The following STIM2 variants were observed in gnomAD, a reference collection of about 807,000 sequenced individuals.
The protein encoded by STIM2 is stromal interaction molecule 2.
A neutral mutation model predicts 85.8 loss-of-function variants in STIM2; 31 were observed. That is an observed-to-expected ratio of 0.36 (90% CI 0.27 to 0.49). STIM2 has a LOEUF of 0.49. STIM2 is among the 20% of genes least tolerant of loss of function. The probability of loss-of-function intolerance (pLI) is 0.98; values close to 1 mark genes in which losing one functional copy is unlikely to be tolerated. For synonymous variants in STIM2, 356 were observed against 331.1 expected (o/e 1.08, Z -0.82); for missense variants, 841 against 927.6 (o/e 0.91, Z 1.21).
intron 3 of STIM2, among the ~76,000 whole-genome samples, chr4:26,972,164 T>C (rs548976825): frequency 4.6e-5 from 7 of 152,322 alleles, no homozygotes; most frequent in African/African-American, 1.7e-4. Flanking sequence ...ATTTTCTAAA[T>C]ATACAATCAT....
At chr4:26,987,207 C>T (rs567654693) in intron 3 of STIM2, among the ~76,000 whole-genome samples, 8 of 152,268 alleles carry the variant, frequency 5.3e-5, no homozygotes, top group African/African-American at 1.7e-4. Flanking sequence ...TCTTCATTCT[C>T]CCTGTGATTA....
At chr4:26,989,289 A>G (rs1440744608) in intron 3 of STIM2, among the ~76,000 whole-genome samples, 2 of 152,150 alleles carry the variant, frequency 1.3e-5, no homozygotes, top group Non-Finnish European at 2.9e-5. Flanking sequence ...TTTGCATGTT[A>G]AGATGCAAGG....
intron 11 of STIM2, among the ~76,000 whole-genome samples, chr4:27,020,654 A>C (rs1002426193): frequency 1.3e-5 from 2 of 152,234 alleles, no homozygotes; most frequent in African/African-American, 2.4e-5. Flanking sequence ...TTAACATAGA[A>C]TATTCATCAA....
intron 3 of STIM2, among the ~76,000 whole-genome samples, chr4:26,962,600 GTATGTGTGTC>G (rs761069886): frequency 2.4e-5 from 3 of 122,710 alleles, no homozygotes; most frequent in East Asian, 2.6e-4. Flanking sequence ...GTGTGTGTGT[GTATGTGTGTC>G]TGTGTCTGTG....
chr4:26,881,397 C>T (rs1252816024), intron 1 of STIM2: 2 of 149,488 alleles, frequency 1.3e-5, no homozygotes, highest in Non-Finnish European at 2.9e-5. Context: ...ACTCTGGAGG[C>T]AGAGGTTGCA....
intron 1 of STIM2, among the ~76,000 whole-genome samples, chr4:26,890,645 A>C (rs1025081280): frequency 6.6e-6 from 1 of 151,940 alleles, no homozygotes; most frequent in Non-Finnish European, 1.5e-5. Context: ...TAAAACGTTG[A>C]AACCCCGTCT....
Position 27,017,661 on chromosome 4 carries a change from A to G in STIM2, c.1490-50A>G, listed in dbSNP as rs753990273. On this transcript the variant is annotated intron_variant, in intron 10 of 11. Coordinates refer to ENST00000467087, the MANE Select transcript of STIM2 (RefSeq NM_020860.4). ...GTGTGTATGTATTTGTGGTGACTGTAAAGGGAACCCTGGACTTCATGAGCA... is the reference window on the plus strand; with the variant it reads ...GTGTGTATGTATTTGTGGTGACTGTGAAGGGAACCCTGGACTTCATGAGCA... 1.0e-5 allele frequency: 16 copies of G among 1,604,198 alleles called. No individual in the cohort carries two copies. In the South Asian group the frequency reaches 1.0e-4, roughly 10 times the overall value.
chr4:27,014,966 G>GA (rs1728686742), intron 10 of STIM2, among the ~76,000 whole-genome samples: 1 of 151,710 alleles, frequency 6.6e-6, no homozygotes, highest in Non-Finnish European at 1.5e-5. Context: ...ACCTGATATT[G>GA]AAATACCTAT....
intron 3 of STIM2, 106 bp from the exon 4 acceptor site, chr4:26,995,273 A>G: frequency 3.4e-6 from 2 of 586,630 alleles, no homozygotes; most frequent in Non-Finnish European, 5.8e-6. Context: ...AATGTTGATT[A>G]AATTGAAAAT....
At chr4:27,013,256 G>A (rs997175379) in intron 10 of STIM2, among the ~76,000 whole-genome samples, 2 of 151,580 alleles carry the variant, frequency 1.3e-5, no homozygotes, top group Non-Finnish European at 3.0e-5. Flanking sequence ...ATTTCGAGGT[G>A]GGGGTGGGGG....
Position 26,865,827 on chromosome 4 carries a change from T to TA in STIM2, c.151+4466dup, listed in dbSNP as rs200451059. Among the ~76,000 whole-genome samples the TA allele has an allele frequency of 2.0e-3, 310 of 151,946 alleles. 6 individuals carry two copies. In the East Asian group the frequency reaches 0.051, roughly 25 times the overall value. ...ACACAAAAGAGAAGTGGGAAAGAAT[T>TA]AAAAAAAAGAATAAGATGTAGGTGT... On this transcript the variant is annotated intron_variant, in intron 1 of 11. Coordinates refer to ENST00000467087, the MANE Select transcript of STIM2 (RefSeq NM_020860.4).
chr4:26,907,549 G>C (rs1451395606), intron 1 of STIM2, among the ~76,000 whole-genome samples: 1 of 152,072 alleles, frequency 6.6e-6, no homozygotes, highest in African/African-American at 2.4e-5. Context: ...TTAACATTGA[G>C]AGACACAATT....
At chr4:26,909,218 C>G (rs917575413) in intron 1 of STIM2, among the ~76,000 whole-genome samples, 1 of 152,216 alleles carries the variant, frequency 6.6e-6, no homozygotes, top group Non-Finnish European at 1.5e-5. Context: ...CCTTACTCCT[C>G]TCTGTCCATG....
At chr4:26,887,888 T>C (rs2109042313) in intron 1 of STIM2, among the ~76,000 whole-genome samples, 1 of 152,302 alleles carries the variant, frequency 6.6e-6, no homozygotes, top group South Asian at 2.1e-4. Flanking sequence ...AGGAATTGGC[T>C]GAGGTAATTG....
chr4:26,941,444 A>G (rs940104393), intron 2 of STIM2, among the ~76,000 whole-genome samples: 1 of 152,044 alleles, frequency 6.6e-6, no homozygotes, highest in African/African-American at 2.4e-5. Flanking sequence ...TACCTGTCCA[A>G]CATTAGTTAC....
intron 1 of STIM2, among the ~76,000 whole-genome samples, chr4:26,899,713 A>G (rs1723846543): frequency 6.6e-6 from 1 of 152,136 alleles, no homozygotes; most frequent in South Asian, 2.1e-4. Flanking sequence ...CTATTTTTTG[A>G]GGTACATGCT....
chr4:27,015,441 T>G (rs940757013), intron 10 of STIM2, among the ~76,000 whole-genome samples: 5 of 152,014 alleles, frequency 3.3e-5, no homozygotes, highest in Non-Finnish European at 5.9e-5. Flanking sequence ...TGTTATTCAT[T>G]TCTTTTTTTT....
intron 3 of STIM2, among the ~76,000 whole-genome samples, chr4:26,962,299 C>T (rs560884836): frequency 6.6e-6 from 1 of 152,300 alleles, no homozygotes; most frequent in South Asian, 2.1e-4. Context: ...AAGGTTGATT[C>T]TCTCATTCAG....
intron 1 of STIM2, among the ~76,000 whole-genome samples, chr4:26,915,962 A>C (rs889142988): frequency 1.3e-5 from 2 of 152,214 alleles, no homozygotes; most frequent in African/African-American, 4.8e-5. Context: ...CCTGATGTCC[A>C]CTGGGGCATT....
Sources: allele counts gnomAD v4.1 joint callset (sites outside exome capture counted in the v4.1 genomes callset), GRCh38; gene constraint gnomAD v4.1.1; transcripts MANE v1.5; gene names NCBI Gene and HGNC (gene_info 2026-07-23, HGNC 2026-07-21).